EPS8: variants seen among roughly 807,000 people sequenced by gnomAD.
The protein encoded by EPS8 is epidermal growth factor receptor kinase substrate 8.
In EPS8, 42 loss-of-function variants were observed where a neutral mutation model predicts 103.8. The ratio of observed to expected loss-of-function variants is 0.40; its 90% CI spans 0.32 to 0.52. The LOEUF (loss-of-function observed/expected upper bound fraction) is 0.52. EPS8 is among the 20% of genes least tolerant of loss of function. EPS8 has a pLI of 0.40. For synonymous variants in EPS8, 344 were observed against 344.6 expected (o/e 1.00, Z 0.02); for missense variants, 969 against 1,005.1 (o/e 0.96, Z 0.49).
rs950809761 is a variant in EPS8, at chr12:15,693,062, G to A, written c.-21-10090C>T. Among the ~76,000 whole-genome samples, 1 of 152,104 alleles carries A rather than the reference G, an allele frequency of 6.6e-6. No homozygotes were observed. Among genetic ancestry groups the A allele is most frequent in the Non-Finnish European group, 1.5e-5 (1 of 68,000 alleles). ...GGTTATTACTCATATTGAAGATGAA[G>A]CCCTAAAAAGGTGGCAAGAAAGTCA... On this transcript the variant is annotated intron_variant, in intron 1 of 20. Coordinates refer to ENST00000281172, the MANE Select transcript of EPS8 (RefSeq NM_004447.6). This position sits in a 1 kb window ranked among gnomAD's most constrained non-coding sequence, Gnocchi z 5.6.
intron 8 of EPS8, among the ~76,000 whole-genome samples, chr12:15,664,549 G>A (rs1591833564): frequency 6.6e-6 from 1 of 152,160 alleles, no homozygotes; most frequent in African/African-American, 2.4e-5. Flanking sequence ...AGATGAGACC[G>A]AAGTACAGAG....
At chr12:15,663,986 C>CACAT (rs1295823075) in intron 8 of EPS8, among the ~76,000 whole-genome samples, 49 of 125,978 alleles carry the variant, frequency 3.9e-4, no homozygotes, top group African/African-American at 1.4e-3. Flanking sequence ...TACACACACA[C>CACAT]ATATATATAT....
intron 1 of EPS8, among the ~76,000 whole-genome samples, chr12:15,687,858 T>G (rs1476330294): frequency 1.3e-5 from 2 of 152,244 alleles, no homozygotes; most frequent in African/African-American, 4.8e-5. Flanking sequence ...GATATTTTAC[T>G]GACTTGGGAA....
intron 3 of EPS8, among the ~76,000 whole-genome samples, chr12:15,674,204 G>A (rs540906023): frequency 5.3e-5 from 8 of 152,086 alleles, no homozygotes; most frequent in East Asian, 3.9e-4. Flanking sequence ...CATTTGAAAC[G>A]GCTAATATTC....
In EPS8 at chr12:15,745,920, T is replaced by C. The variant is rs1946870854; in HGVS notation, c.-22+43241A>G. The stretch of plus-strand genomic sequence containing the variant: ...ACTATCATGACAATAAATGCGATCA[T>C]GCCATAAAATCTCACAAAGCCTTAT... On this transcript the variant is annotated intron_variant, in intron 1 of 20. Transcript: ENST00000281172. This position sits in a 1 kb window ranked among gnomAD's most constrained non-coding sequence, Gnocchi z 4.6. 6.6e-6 allele frequency among the ~76,000 whole-genome samples: 1 copy of C among 152,224 alleles called. No individual in the cohort carries two copies. Among genetic ancestry groups the C allele is most frequent in the Non-Finnish European group, 1.5e-5 (1 of 68,038 alleles).
intron 6 of EPS8, among the ~76,000 whole-genome samples, chr12:15,668,319 T>G (rs1167481153): frequency 6.6e-6 from 1 of 152,194 alleles, no homozygotes; most frequent in African/African-American, 2.4e-5. Context: ...ATCTATCATC[T>G]TTAAATGTCA....
At chr12:15,675,504 G>A (rs938613296) in intron 3 of EPS8, among the ~76,000 whole-genome samples, 1 of 152,170 alleles carries the variant, frequency 6.6e-6, no homozygotes, top group Admixed American at 6.5e-5. Context: ...GGAGGCTGAG[G>A]CAGGAGAATT....
chr12:15,660,586 A>T, intron 10 of EPS8, 28 bp downstream of exon 10: 1 of 1,064,062 alleles, frequency 9.4e-7, no homozygotes, highest in Non-Finnish European at 1.5e-6. Context: ...CTAACCAGGC[A>T]TTAGAAGATT....
chr12:15,623,135 C>A (rs1001011569), intron 20 of EPS8, 23 bp downstream of exon 20: 1 of 1,578,632 alleles, frequency 6.3e-7, no homozygotes, highest in Non-Finnish European at 8.6e-7. Context: ...AGAAAAACAC[C>A]ACCTTAGGTT....
chr12:15,639,762 A>G (rs1231215099), intron 17 of EPS8, among the ~76,000 whole-genome samples: 1 of 152,138 alleles, frequency 6.6e-6, no homozygotes, highest in Non-Finnish European at 1.5e-5. Flanking sequence ...GACAATCTGT[A>G]TTTTTTTAAG....
Position 15,669,782 on chromosome 12 carries a change from G to T in EPS8, c.248C>A (p.Thr83Asn). 6.2e-7 allele frequency: 1 copy of T among 1,612,772 alleles called. No individual in the cohort carries two copies. The highest frequency in any genetic ancestry group is 8.5e-7 in the Non-Finnish European group (1 of 1,179,622). ...CAATTTCCTTATTCCATCATCAACA[G>T]TGATCATAGCATCTTTCCGATCCAG... ...FVLDRKDAMI[T>N]VDDGIRKLKL... The change falls in exon 5 of 21, where the codon ACT becomes AAT. Residue 83 changes from threonine to asparagine, a missense_variant. Thr to Asn is a moderately conservative substitution (Grantham distance 65). Coordinates refer to ENST00000281172, the MANE Select transcript of EPS8 (RefSeq NM_004447.6).
chr12:15,766,696 A>G (rs1183496675), intron 1 of EPS8, among the ~76,000 whole-genome samples: 2 of 151,916 alleles, frequency 1.3e-5, no homozygotes, highest in South Asian at 2.1e-4. Flanking sequence ...AAAAAAAAGG[A>G]AAGTTTTAAG....
In EPS8 at chr12:15,747,188, G is replaced by A. The variant is rs915164589; in HGVS notation, c.-22+41973C>T. Among the ~76,000 whole-genome samples the A allele has an allele frequency of 6.6e-6, 1 of 152,154 alleles. No homozygotes were observed. Among genetic ancestry groups the A allele is most frequent in the Non-Finnish European group, 1.5e-5 (1 of 68,034 alleles). On this transcript the variant is annotated intron_variant, in intron 1 of 20. Transcript: ENST00000281172. The surrounding 1 kb of genome is among the most constrained non-coding windows in gnomAD (Gnocchi z 4.4). ...TTTTTCTTGCTAGAGATTATTTGCT[G>A]TACACATTTGGATATTAACTTTAAA... is the stretch of plus-strand genomic sequence containing the variant.
In EPS8 at chr12:15,641,734, A is replaced by G; in HGVS notation, c.1665T>C (p.Asp555=). The G allele has an allele frequency of 6.5e-7, 1 of 1,538,834 alleles. No individual in the cohort carries two copies. Among genetic ancestry groups the G allele is most frequent in the Non-Finnish European group, 8.8e-7 (1 of 1,134,966 alleles). The change falls in exon 16 of 21, where the codon GAT becomes GAC. Residue 555 remains aspartate, a synonymous_variant. Coordinates refer to ENST00000281172, the MANE Select transcript of EPS8 (RefSeq NM_004447.6). ...AAAATTATATTACCTCTAAAATATC[A>G]TCCTTTAGAACCGAGAGCTCACTGT... The part of the protein sequence containing the change: ...RNNSELSVLK[D]DILEILDDRK...
rs908261384 is a variant in EPS8 at position 15,695,596 on chromosome 12, C to G, written c.-21-12624G>C. On this transcript the variant is annotated intron_variant, in intron 1 of 20. Transcript: ENST00000281172. The surrounding 1 kb of genome is among the most constrained non-coding windows in gnomAD (Gnocchi z 5.0). ...ACAGCTACCACACTAGACAGGGTAG[C>G]TCTACATATTGAGTGCATGGTTAGC... Among the ~76,000 whole-genome samples the G allele has an allele frequency of 1.3e-5, 2 of 152,178 alleles. No homozygotes were observed. The highest frequency in any genetic ancestry group is 4.8e-5 in the African/African-American group (2 of 41,442).
At chr12:15,686,559 G>T (rs535686092) in intron 1 of EPS8, among the ~76,000 whole-genome samples, 3 of 152,094 alleles carry the variant, frequency 2.0e-5, no homozygotes, top group Non-Finnish European at 2.9e-5. Flanking sequence ...ATAAATTTAA[G>T]ATCTAAGTTA....
At chr12:15,672,625 C>T (rs554262157) in intron 3 of EPS8, 30 of 392,994 alleles carry the variant, frequency 7.6e-5, no homozygotes, top group Admixed American at 3.5e-4. Context: ...AAAAAGTGAG[C>T]GACTGTGATT....
intron 3 of EPS8, among the ~76,000 whole-genome samples, chr12:15,680,711 A>G (rs1418352213): frequency 6.6e-6 from 1 of 152,204 alleles, no homozygotes; most frequent in Admixed American, 6.5e-5. Flanking sequence ...TCTATTTTGT[A>G]TCTGAAGTGT....
At chr12:15,626,126 C>T in intron 18 of EPS8, among the ~76,000 whole-genome samples, 1 of 152,172 alleles carries the variant, frequency 6.6e-6, no homozygotes, top group South Asian at 2.1e-4. Context: ...CGGAGCTGCA[C>T]TTGATTCCTG....
Sources: gnomAD v4.1 joint callset for allele counts (sites outside exome capture counted in the v4.1 genomes callset) on GRCh38, gnomAD v4.1.1 for gene constraint, Gnocchi (gnomAD v3.1) non-coding constraint, MANE v1.5 for transcripts, NCBI Gene and HGNC (gene_info 2026-07-23, HGNC 2026-07-21) for gene names.